The following ADCY2 variants were observed in gnomAD, a reference collection of about 807,000 sequenced individuals.
The protein encoded by ADCY2 is adenylate cyclase 2, also known as adenylate cyclase type 2.
ADCY2 carries 31 observed loss-of-function variants against 125.2 expected under a neutral mutation model. That is an observed-to-expected ratio of 0.25 (90% confidence interval 0.19 to 0.33). The LOEUF is 0.33. ADCY2 is among the 10% of genes least tolerant of loss of function. The probability of loss-of-function intolerance (pLI) is 1.00; values close to 1 mark genes in which losing one functional copy is unlikely to be tolerated. For synonymous variants in ADCY2, 512 were observed against 548.4 expected, an observed-to-expected ratio of 0.93 and a Z score of 0.93; for missense variants, 904 against 1,418.2, an observed-to-expected ratio of 0.64 and a Z score of 5.82.
chr5:7,804,994 G>A (rs1227641314), intron 22 of ADCY2, among the ~76,000 whole-genome samples: 1 of 152,118 alleles, frequency 6.6e-6, no homozygotes, highest in South Asian at 2.1e-4. Flanking sequence ...GACTCAGTAA[G>A]AATGGATCCA....
rs544969755 is a variant in ADCY2 at position 7,481,411 on chromosome 5, C to T, written c.409-39327C>T. Among the ~76,000 whole-genome samples, 276 of 152,164 alleles carry T rather than the reference C, an allele frequency of 1.8e-3. 2 individuals carry two copies. The highest frequency in any genetic ancestry group is 6.3e-3 in the African/African-American group (263 of 41,534). On this transcript the variant is annotated intron_variant, in intron 2 of 24. Transcript: ENST00000338316. Reference sequence around the variant, plus strand: ...CTTCCTGAGCAGCTGGGACTACAGGCGCCTGCCACCACGCCTGGCTAATTT... The same window carrying T: ...CTTCCTGAGCAGCTGGGACTACAGGTGCCTGCCACCACGCCTGGCTAATTT...
chr5:7,656,628 C>T (rs1480504499), intron 4 of ADCY2, among the ~76,000 whole-genome samples: 1 of 152,202 alleles, frequency 6.6e-6, no homozygotes, highest in African/African-American at 2.4e-5. Flanking sequence ...GTCCCATCCC[C>T]ACTCATAGCA....
In ADCY2 at chr5:7,802,654, C is replaced by T. The variant is rs112861359; in HGVS notation, c.2775+290C>T. Among the ~76,000 whole-genome samples the T allele has an allele frequency of 4.0e-4, 61 of 152,240 alleles. No homozygotes were observed. Among genetic ancestry groups the T allele is most frequent in the African/African-American group, 1.2e-3 (51 of 41,536 alleles). On this transcript the variant is annotated intron_variant, in intron 21 of 24. Transcript: ENST00000338316. The surrounding 1 kb of genome is among the most constrained non-coding windows in gnomAD (Gnocchi z 4.6). ...GATTCTTTACAAAGGCTTGAATTCG[C>T]GGTAAAATACTTGCCCATCCCTTTC...
chr5:7,668,286 G>A (rs1739824309), intron 4 of ADCY2, among the ~76,000 whole-genome samples: 1 of 152,180 alleles, frequency 6.6e-6, no homozygotes, highest in Non-Finnish European at 1.5e-5. Context: ...TTCAGCTGAA[G>A]GCCTGAAGAG....
intron 2 of ADCY2, among the ~76,000 whole-genome samples, chr5:7,512,957 C>T (rs941725724): frequency 6.6e-6 from 1 of 152,086 alleles, no homozygotes; most frequent in Non-Finnish European, 1.5e-5. Context: ...AGTAGACCCT[C>T]TCTTGGTTGT....
In ADCY2 at chr5:7,757,591, GTC is replaced by G; in HGVS notation, c.2094+6_2094+7del. 1 of 1,565,440 alleles carries G rather than the reference GTC, an allele frequency of 6.4e-7. No individual in the cohort carries two copies. The highest frequency in any genetic ancestry group is 1.7e-5 in the Admixed American group (1 of 57,158). On this transcript the variant is annotated splice_donor_region_variant and intron_variant, in intron 16 of 24. Coordinates refer to ENST00000338316, the MANE Select transcript of ADCY2 (RefSeq NM_020546.3). ...ATGATGGCCGTGTTCAACATGGTAAGTCCCAGAGCACGGCCGTGTTCAACATG... is the reference window on the plus strand; with the variant it reads ...ATGATGGCCGTGTTCAACATGGTAAGCCAGAGCACGGCCGTGTTCAACATG...
intron 3 of ADCY2, among the ~76,000 whole-genome samples, chr5:7,542,682 G>A (rs1579555608): frequency 6.6e-6 from 1 of 152,306 alleles, no homozygotes; most frequent in East Asian, 1.9e-4. Flanking sequence ...CTGCAATGTT[G>A]CCCTCAAGGC....
At chr5:7,421,271 G>T (rs1740193466) in intron 2 of ADCY2, among the ~76,000 whole-genome samples, 1 of 152,190 alleles carries the variant, frequency 6.6e-6, no homozygotes, top group Non-Finnish European at 1.5e-5. Flanking sequence ...GATATTTATT[G>T]TCTCAGCTCT....
At chr5:7,650,888 G>C (rs1739064793) in intron 4 of ADCY2, among the ~76,000 whole-genome samples, 1 of 152,192 alleles carries the variant, frequency 6.6e-6, no homozygotes, top group Non-Finnish European at 1.5e-5. Flanking sequence ...CGGTTGCCCA[G>C]GGAGTAATGT....
chr5:7,690,315 A>G (rs2126307346), intron 4 of ADCY2, among the ~76,000 whole-genome samples: 1 of 152,306 alleles, frequency 6.6e-6, no homozygotes, highest in Non-Finnish European at 1.5e-5. Flanking sequence ...TCAGAAATGA[A>G]CATGCAGGCA....
chr5:7,809,925 G>A (rs772326630), intron 22 of ADCY2, among the ~76,000 whole-genome samples: 4 of 152,210 alleles, frequency 2.6e-5, no homozygotes, highest in Non-Finnish European at 4.4e-5. Flanking sequence ...TATTAAACTG[G>A]AAATGGGCTT....
chr5:7,610,011 G>A lies in ADCY2; in HGVS notation c.571-16156G>A, dbSNP rs1356723005. Among the ~76,000 whole-genome samples, 3 of 152,138 alleles carry A rather than the reference G, an allele frequency of 2.0e-5. No homozygotes were observed. In the South Asian group the frequency reaches 6.2e-4, roughly 31 times the overall value. The stretch of plus-strand genomic sequence containing the variant: ...CATGCCTAGAGTGGAGCTGAGACAG[G>A]GCATGAATGGAATGTGGAGATGCAG... On this transcript the variant is annotated intron_variant, in intron 3 of 24. Transcript: ENST00000338316.
chr5:7,675,046 T>C (rs1740074184), intron 4 of ADCY2, among the ~76,000 whole-genome samples: 2 of 151,406 alleles, frequency 1.3e-5, no homozygotes, highest in African/African-American at 4.9e-5. Context: ...TCTCAGCTAC[T>C]CGAGAGGCTG....
At chr5:7,643,583 A>T (rs557474006) in intron 4 of ADCY2, among the ~76,000 whole-genome samples, 1 of 151,846 alleles carries the variant, frequency 6.6e-6, no homozygotes, top group Non-Finnish European at 1.5e-5. Context: ...AATAAAATTT[A>T]TAACACCTTA....
At chr5:7,481,341 A>T (rs574140549) in intron 2 of ADCY2, among the ~76,000 whole-genome samples, 2 of 152,212 alleles carry the variant, frequency 1.3e-5, no homozygotes, top group South Asian at 2.1e-4. Context: ...ATCTCGGCTC[A>T]CTGCAAGCTC....
chr5:7,399,078 A>G (rs760520261), intron 1 of ADCY2, among the ~76,000 whole-genome samples: 21 of 152,220 alleles, frequency 1.4e-4, no homozygotes, highest in Non-Finnish European at 2.4e-4. Context: ...GACCCTGCCA[A>G]GGTTTCCATG....
intron 2 of ADCY2, among the ~76,000 whole-genome samples, chr5:7,454,024 G>A (rs1741574488): frequency 6.6e-6 from 1 of 152,116 alleles, no homozygotes; most frequent in Non-Finnish European, 1.5e-5. Flanking sequence ...CCCTGGTGCT[G>A]GCTGCAACCA....
Position 7,771,690 on chromosome 5 carries a change from A to G in ADCY2, c.2215-1242A>G, listed in dbSNP as rs77233511. Among the ~76,000 whole-genome samples the G allele has an allele frequency of 9.0e-3, 1,371 of 152,276 alleles. 18 individuals carry two copies. The highest frequency in any genetic ancestry group is 0.032 in the African/African-American group (1,312 of 41,548). ...CCACAAGAACAGGACTGTTGAGCTA[A>G]TATCAGTGGCCTTCCACATAGGTTA... On this transcript the variant is annotated intron_variant, in intron 17 of 24. Transcript: ENST00000338316.
At chr5:7,418,254 C>T (rs569424793) in intron 2 of ADCY2, among the ~76,000 whole-genome samples, 21 of 152,260 alleles carry the variant, frequency 1.4e-4, no homozygotes, top group Admixed American at 8.5e-4. Context: ...GTCTTTCCCA[C>T]GCCACTGGGG....
Sources: gnomAD v4.1 joint callset for allele counts (sites outside exome capture counted in the v4.1 genomes callset) on GRCh38, gnomAD v4.1.1 for gene constraint, Gnocchi (gnomAD v3.1) non-coding constraint, MANE v1.5 for transcripts, NCBI Gene and HGNC (gene_info 2026-07-23, HGNC 2026-07-21) for gene names.